The following RBFOX1 variants were observed in gnomAD, a reference collection of about 807,000 sequenced individuals.
RBFOX1 encodes RNA binding protein fox-1 homolog 1.
A neutral mutation model predicts 57.7 loss-of-function variants in RBFOX1; 8 were observed. The observed-to-expected ratio is 0.14, with a 90% CI of 0.08 to 0.25. The LOEUF is 0.25. RBFOX1 is among the 10% of genes least tolerant of loss of function. The pLI, the probability that RBFOX1 is intolerant of heterozygous loss-of-function variation, is 1.00. For missense variants in RBFOX1, 611 were observed against 548.5 expected (o/e 1.11, Z -1.14); for synonymous variants, 326 against 222.4 (o/e 1.47, Z -4.15).
intron 4 of RBFOX1, among the ~76,000 whole-genome samples, chr16:7,065,760 C>G (rs564607531): frequency 6.6e-6 from 1 of 152,250 alleles, no homozygotes; most frequent in Admixed American, 6.5e-5. Context: ...ACTCATTCCT[C>G]CTGTCTAAGT....
intron 4 of RBFOX1, among the ~76,000 whole-genome samples, chr16:7,279,953 A>T (rs1275413383): frequency 6.6e-6 from 1 of 152,194 alleles, no homozygotes; most frequent in Non-Finnish European, 1.5e-5. Flanking sequence ...TGGTAACAAT[A>T]GGGCAGCCAA....
chr16:5,417,366 T>A (rs1225610280), intron 1 of RBFOX1, among the ~76,000 whole-genome samples: 2 of 152,184 alleles, frequency 1.3e-5, no homozygotes, highest in African/African-American at 4.8e-5. Context: ...ATTCAGTAAG[T>A]CTGGCAAAAC....
At chr16:5,949,003 T>G in intron 4 of RBFOX1, among the ~76,000 whole-genome samples, 1 of 152,114 alleles carries the variant, frequency 6.6e-6, no homozygotes, top group East Asian at 1.9e-4. Flanking sequence ...TTTCTCTCTA[T>G]GTGTTTGTGT....
At chr16:5,542,244 ATTTTTTTTT>A (rs5815254) in intron 2 of RBFOX1, among the ~76,000 whole-genome samples, 4 of 122,568 alleles carry the variant, frequency 3.3e-5, no homozygotes, top group African/African-American at 6.2e-5. Flanking sequence ...ACAGGTATTG[ATTTTTTTTT>A]TTTTTTTTTT....
At chr16:7,239,498 A>AAAAT (rs776921488) in intron 4 of RBFOX1, among the ~76,000 whole-genome samples, 10 of 152,090 alleles carry the variant, frequency 6.6e-5, no homozygotes, top group African/African-American at 2.2e-4. Flanking sequence ...GACTGTCTAA[A>AAAAT]AAATAAATAA....
intron 3 of RBFOX1, among the ~76,000 whole-genome samples, chr16:6,750,366 A>G (rs2074688856): frequency 6.6e-6 from 1 of 152,200 alleles, no homozygotes; most frequent in South Asian, 2.1e-4. Flanking sequence ...TATGGTATTT[A>G]GGCACTTAAT....
chr16:6,966,789 A>ATCTATCTGTCTG (rs1227056803), intron 3 of RBFOX1, among the ~76,000 whole-genome samples: 3 of 127,880 alleles, frequency 2.3e-5, no homozygotes, highest in African/African-American at 3.5e-5. Flanking sequence ...CTATCTATCT[A>ATCTATCTGTCTG]TCTGTCTGTC....
chr16:6,575,915 A>C (rs901528570), intron 2 of RBFOX1, among the ~76,000 whole-genome samples: 1 of 151,954 alleles, frequency 6.6e-6, no homozygotes, highest in African/African-American at 2.4e-5. Flanking sequence ...AAAAACATGC[A>C]AGATAATTTA....
At chr16:6,025,078 G>A (rs1245521994) in intron 1 of RBFOX1, among the ~76,000 whole-genome samples, 3 of 152,186 alleles carry the variant, frequency 2.0e-5, no homozygotes, top group Admixed American at 2.0e-4. Context: ...GAAACCATTG[G>A]GGGATTTTAT....
intron 4 of RBFOX1, among the ~76,000 whole-genome samples, chr16:7,189,123 T>G (rs2084670274): frequency 6.6e-6 from 1 of 151,750 alleles, no homozygotes; most frequent in African/African-American, 2.4e-5. Flanking sequence ...TAAGGAGTGA[T>G]TTCTAGAAAG....
At chr16:7,561,988 A>C (rs2090482077) in intron 5 of RBFOX1, among the ~76,000 whole-genome samples, 1 of 152,166 alleles carries the variant, frequency 6.6e-6, no homozygotes, top group Admixed American at 6.5e-5. Flanking sequence ...ACAGGTAATT[A>C]AAGAAAACCA....
chr16:7,244,539 A>C (rs1213577510), intron 4 of RBFOX1, among the ~76,000 whole-genome samples: 1 of 152,210 alleles, frequency 6.6e-6, no homozygotes, highest in African/African-American at 2.4e-5. Context: ...AGTCAGAGCC[A>C]GCGGTGGCTC....
chr16:7,003,833 T>C (rs976119766), intron 3 of RBFOX1, among the ~76,000 whole-genome samples: 1 of 152,188 alleles, frequency 6.6e-6, no homozygotes, highest in Non-Finnish European at 1.5e-5. Context: ...GTTCTACTTA[T>C]AAATTGCAAA....
intron 3 of RBFOX1, among the ~76,000 whole-genome samples, chr16:6,787,794 C>T (rs188622928): frequency 8.5e-5 from 13 of 152,292 alleles, no homozygotes; most frequent in Non-Finnish European, 1.2e-4. Context: ...AGTCTTCCTC[C>T]ATAATACAAC....
intron 2 of RBFOX1, among the ~76,000 whole-genome samples, chr16:6,448,179 A>C (rs144172557): frequency 8.9e-5 from 1 of 11,278 alleles, no homozygotes; most frequent in Non-Finnish European, 1.8e-4. Flanking sequence ...TTTTTTTTTG[A>C]GATGGAATCC....
chr16:6,859,914 G>A (rs1385860138), intron 3 of RBFOX1, among the ~76,000 whole-genome samples: 2 of 152,114 alleles, frequency 1.3e-5, no homozygotes, highest in Non-Finnish European at 2.9e-5. Flanking sequence ...TATTGATGAG[G>A]GCTGATTAAG....
At chr16:7,212,636 A>AC (rs2091359845) in intron 4 of RBFOX1, among the ~76,000 whole-genome samples, 1 of 151,992 alleles carries the variant, frequency 6.6e-6, no homozygotes, top group African/African-American at 2.4e-5. Context: ...TGTTTTAGAA[A>AC]AAAAACGAGA....
At chr16:6,696,874 C>G (rs2061131424) in intron 3 of RBFOX1, among the ~76,000 whole-genome samples, 1 of 152,142 alleles carries the variant, frequency 6.6e-6, no homozygotes, top group Non-Finnish European at 1.5e-5. Context: ...TTTTGTCTTA[C>G]TAAAGCACAT....
intron 4 of RBFOX1, among the ~76,000 whole-genome samples, chr16:7,369,900 T>C (rs2097536419): frequency 6.6e-6 from 1 of 152,242 alleles, no homozygotes; most frequent in African/African-American, 2.4e-5. Context: ...ATCCCCACTT[T>C]ACAGAGGAAG....
Sources: gnomAD v4.1 joint callset for allele counts (sites outside exome capture counted in the v4.1 genomes callset) on GRCh38, gnomAD v4.1.1 for gene constraint, MANE v1.5 for transcripts, NCBI Gene and HGNC (gene_info 2026-07-23, HGNC 2026-07-21) for gene names.